Variants in AP3B1 observed in about 807,000 individuals in gnomAD.
AP3B1 encodes adaptor related protein complex 3 subunit beta 1.
Under a neutral mutation model 132.5 loss-of-function variants are expected in AP3B1, and 61 were observed. The observed-to-expected ratio is 0.46, with a 90% CI of 0.37 to 0.57. The LOEUF (loss-of-function observed/expected upper bound fraction) is 0.57. Ranked by LOEUF, AP3B1 falls within the 20% of genes least tolerant of loss-of-function variation. The pLI, the probability that AP3B1 is intolerant of heterozygous loss-of-function variation, is 0.00. For missense variants in AP3B1, 1,120 were observed against 1,289.4 expected, an observed-to-expected ratio of 0.87 and a Z score of 2.01; for synonymous variants, 388 against 438.3, an observed-to-expected ratio of 0.89 and a Z score of 1.43.
chr5:78,150,539 G>A (rs1187030622), intron 14 of AP3B1, among the ~76,000 whole-genome samples: 2 of 141,308 alleles, frequency 1.4e-5, no homozygotes, highest in African/African-American at 2.6e-5. Context: ...GGTTTTAAAG[G>A]GAAGAAGAGC....
chr5:78,016,894 G>A (rs1746878554), intron 25 of AP3B1, among the ~76,000 whole-genome samples: 1 of 152,114 alleles, frequency 6.6e-6, no homozygotes, highest in Non-Finnish European at 1.5e-5. Flanking sequence ...TAACACTGCT[G>A]AGAGATGTGT....
chr5:78,097,943 C>A (rs1367967046), intron 21 of AP3B1, among the ~76,000 whole-genome samples: 5 of 152,274 alleles, frequency 3.3e-5, no homozygotes, highest in Non-Finnish European at 7.4e-5. Flanking sequence ...AAGAAAAATT[C>A]TTCTGCCTTG....
downstream of AP3B1, chr5:78,000,999 A>C (rs1470285496): frequency 1.3e-5 from 2 of 151,916 alleles, no homozygotes; most frequent in African/African-American, 4.9e-5. Flanking sequence ...ACTGATTCAT[A>C]CTACATTATA....
At chr5:78,170,474 T>C (rs1311624213) in intron 11 of AP3B1, among the ~76,000 whole-genome samples, 3 of 152,218 alleles carry the variant, frequency 2.0e-5, no homozygotes, top group South Asian at 2.1e-4. Flanking sequence ...TGGTATTTCA[T>C]TGTGGTTTTG....
chr5:78,190,763 T>C (rs1744793532), intron 7 of AP3B1, among the ~76,000 whole-genome samples: 1 of 152,202 alleles, frequency 6.6e-6, no homozygotes, highest in Non-Finnish European at 1.5e-5. Context: ...CTGATACAAA[T>C]TAAAGTACAC....
intron 17 of AP3B1, among the ~76,000 whole-genome samples, chr5:78,123,827 A>C (rs1752340035): frequency 2.0e-5 from 3 of 152,044 alleles, no homozygotes; most frequent in Admixed American, 1.3e-4. Context: ...ATACCATTTG[A>C]CCCAGCCATC....
At chr5:78,130,029 T>C (rs943677812) in intron 15 of AP3B1, among the ~76,000 whole-genome samples, 6 of 152,134 alleles carry the variant, frequency 3.9e-5, no homozygotes, top group Admixed American at 3.9e-4. Context: ...CTTATTATAG[T>C]AGCTTTTACA....
chr5:78,156,927 G>T (rs757930657), intron 13 of AP3B1, among the ~76,000 whole-genome samples: 1 of 152,148 alleles, frequency 6.6e-6, no homozygotes, highest in Non-Finnish European at 1.5e-5. Context: ...GTGAGAGTGA[G>T]ATGGATTTTC....
At chr5:78,166,191 T>A (rs368573725) in intron 11 of AP3B1, among the ~76,000 whole-genome samples, 1 of 150,584 alleles carries the variant, frequency 6.6e-6, no homozygotes, top group Admixed American at 6.6e-5. Flanking sequence ...TTGTCGCCAA[T>A]GTGGTAAGGC....
chr5:78,096,134 C>A (rs1435127090), intron 21 of AP3B1, among the ~76,000 whole-genome samples: 1 of 152,200 alleles, frequency 6.6e-6, no homozygotes, highest in Admixed American at 6.5e-5. Context: ...CCTCAGCCTG[C>A]CGAGTGCCTG....
chr5:78,153,051 C>T (rs1415588584), intron 14 of AP3B1, among the ~76,000 whole-genome samples: 1 of 152,116 alleles, frequency 6.6e-6, no homozygotes, highest in Non-Finnish European at 1.5e-5. Context: ...CTATTAGATC[C>T]ATTTGGTGCA....
chr5:78,193,770 A>ATATATATATATATATATTTTTTTT, intron 7 of AP3B1, among the ~76,000 whole-genome samples: 3 of 67,212 alleles, frequency 4.5e-5, no homozygotes, highest in Non-Finnish European at 9.6e-5. Context: ...ATATATATAT[A>ATATATATATATATATATTTTTTTT]TTTTTTTTTT....
chr5:78,047,544 GTTGT>G (rs1486952552), intron 22 of AP3B1, among the ~76,000 whole-genome samples: 8 of 152,256 alleles, frequency 5.3e-5, no homozygotes, highest in Admixed American at 2.0e-4. Flanking sequence ...TTTTGATGGG[GTTGT>G]TTGATTTTTT....
In AP3B1 at chr5:78,261,584, GTCTCT is replaced by G. The variant is rs536933614; in HGVS notation, c.204+5931_204+5935del. On this transcript the variant is annotated intron_variant, in intron 2 of 26. Coordinates refer to ENST00000255194, the MANE Select transcript of AP3B1 (RefSeq NM_003664.5). Reference sequence around the variant, plus strand: ...GGGTTCAAGCAATTCTCCTTCCTCAGTCTCTCAAGTAGCTGGGATTACAGGCGCCC... The same window carrying G: ...GGGTTCAAGCAATTCTCCTTCCTCAGCAAGTAGCTGGGATTACAGGCGCCC... 1.6e-4 allele frequency among the ~76,000 whole-genome samples: 24 copies of G among 152,292 alleles called. No individual in the cohort carries two copies. In the South Asian group the frequency reaches 1.7e-3, roughly 11 times the overall value.
At chr5:78,206,767 A>G (rs1210143811) in intron 7 of AP3B1, among the ~76,000 whole-genome samples, 1 of 152,212 alleles carries the variant, frequency 6.6e-6, no homozygotes, top group Non-Finnish European at 1.5e-5. Context: ...AAAAGATTAG[A>G]CCATTGAAAA....
At chr5:78,220,444 T>C (rs547252176) in intron 6 of AP3B1, among the ~76,000 whole-genome samples, 1 of 151,918 alleles carries the variant, frequency 6.6e-6, no homozygotes, top group Non-Finnish European at 1.5e-5. Flanking sequence ...TTTTCATGCT[T>C]GTATCACAAA....
intron 8 of AP3B1, among the ~76,000 whole-genome samples, chr5:78,179,185 C>A (rs1744269668): frequency 6.6e-6 from 1 of 152,066 alleles, no homozygotes; most frequent in Admixed American, 6.5e-5. Flanking sequence ...AACGCATATA[C>A]CTGGCTAATA....
intron 22 of AP3B1, among the ~76,000 whole-genome samples, chr5:78,057,522 CAGG>C (rs1469673590): frequency 1.3e-5 from 2 of 152,232 alleles, no homozygotes; most frequent in African/African-American, 4.8e-5. Context: ...ATTTTAAGAA[CAGG>C]ATTTCATAGA....
intron 15 of AP3B1, among the ~76,000 whole-genome samples, chr5:78,134,149 C>CAAAAAAAAAAAAAAAAAAAAAAAAA (rs397961933): frequency 9.4e-5 from 7 of 74,202 alleles, no homozygotes; most frequent in African/African-American, 3.8e-4. Flanking sequence ...AGACTCGCCT[C>CAAAAAAAAAAAAAAAAAAAAAAAAA]AAAAAAAAAA....
Sources: gnomAD v4.1 joint callset for allele counts (sites outside exome capture counted in the v4.1 genomes callset) on GRCh38, gnomAD v4.1.1 for gene constraint, MANE v1.5 for transcripts, NCBI Gene and HGNC (gene_info 2026-07-23, HGNC 2026-07-21) for gene names.